STK3: variants seen among roughly 807,000 people sequenced by gnomAD.
The protein encoded by STK3 is serine/threonine kinase 3, also known as serine/threonine-protein kinase 3.
Under a neutral mutation model 58.0 loss-of-function variants are expected in STK3, and 41 were observed. The ratio of observed to expected loss-of-function variants is 0.71; its 90% CI spans 0.55 to 0.92. STK3 has a LOEUF of 0.92. Among genes scored for constraint, STK3 ranks in the 40% least tolerant of loss-of-function variants. STK3 has a pLI of 0.00. For missense variants in STK3, 479 were observed against 602.7 expected (o/e 0.79, Z 2.15); for synonymous variants, 170 against 191.0 (o/e 0.89, Z 0.91).
At chr8:98,840,874 G>A (rs2131808628) in intron 3 of STK3, among the ~76,000 whole-genome samples, 1 of 152,196 alleles carries the variant, frequency 6.6e-6, no homozygotes, top group East Asian at 1.9e-4. Flanking sequence ...TAGTCAAGGT[G>A]ATGGCCAGGG....
intron 7 of STK3, 97 bp downstream of exon 7, chr8:98,595,935 T>C: frequency 7.2e-7 from 1 of 1,385,512 alleles, no homozygotes; most frequent in Non-Finnish European, 9.7e-7. Flanking sequence ...TTTACATCTT[T>C]AGAAATCAGT....
chr8:98,387,522 G>T (rs1263968872), intron 1 of STK3, among the ~76,000 whole-genome samples: 2 of 152,234 alleles, frequency 1.3e-5, no homozygotes, highest in Non-Finnish European at 2.9e-5. Flanking sequence ...ACCAAGGCAG[G>T]CAGATCACCT....
In STK3 at chr8:98,386,054, A is replaced by G. The variant is rs545915847; in HGVS notation, n.56+2138T>C. Among the ~76,000 whole-genome samples, 20 of 152,322 alleles carry G rather than the reference A, an allele frequency of 1.3e-4. No individual in the cohort carries two copies. The South Asian group carries it at 3.9e-3, about 30-fold the overall frequency. The stretch of plus-strand genomic sequence containing the variant: ...ATGCCATTTTTCAAGCAAAGCTCTG[A>G]AAGTTTGACAATATACTCTGTTAGG... On this transcript the variant is annotated intron_variant and non_coding_transcript_variant, in intron 1 of 2. Coordinates refer to the STK3 transcript ENST00000518704.
rs974836107 is a variant in STK3, at chr8:98,788,311, G to A, written c.27-13492C>T. Among the ~76,000 whole-genome samples, 12 of 151,866 alleles carry A rather than the reference G, an allele frequency of 7.9e-5. No individual in the cohort carries two copies. The East Asian group carries it at 1.2e-3, about 15-fold the overall frequency. On this transcript the variant is annotated intron_variant, in intron 1 of 10. Transcript: ENST00000419617. ...AAATTAGCCGGGCGTGGTGGTGCGC[G>A]CCTGTAATCCCAGCTACTCAGGAGG...
At chr8:98,923,585 C>G (rs912117836) in intron 1 of STK3, among the ~76,000 whole-genome samples, 1 of 152,266 alleles carries the variant, frequency 6.6e-6, no homozygotes, top group Admixed American at 6.5e-5. Flanking sequence ...AGAAACCCCA[C>G]GGGCATGTCC....
chr8:98,540,989 G>T (rs533154643), intron 9 of STK3, among the ~76,000 whole-genome samples: 1 of 152,180 alleles, frequency 6.6e-6, no homozygotes, highest in Non-Finnish European at 1.5e-5. Flanking sequence ...AGTGAGGGTT[G>T]ATTTCAATCT....
intron 3 of STK3, among the ~76,000 whole-genome samples, chr8:98,421,396 C>G (rs985086621): frequency 6.6e-6 from 1 of 152,136 alleles, no homozygotes; most frequent in African/African-American, 2.4e-5. Context: ...AGGTGGTTGC[C>G]CCTACCCTTG....
chr8:98,412,969 G>A lies in STK3; in HGVS notation n.484-11456C>T, dbSNP rs541057250. The A allele has an allele frequency of 8.8e-4, 230 of 260,288 alleles. 8 individuals carry two copies. In the South Asian group the frequency reaches 9.6e-3, roughly 11 times the overall value. The allele number at this position is 260,288 out of a possible 1,614,324, so 16.1% of individuals were successfully genotyped here. A position where few individuals can be genotyped will look rare whatever the true frequency, so the allele number is the denominator to read the frequency against. On this transcript the variant is annotated intron_variant and non_coding_transcript_variant, in intron 3 of 3. Coordinates refer to the STK3 transcript ENST00000517832. ...AGGCACTGGAGCATCTGGCCTCTCA[G>A]GAAGGTCTGGGACTAGTCCTTCTGA...
chr8:98,845,210 T>C (rs1194899966), intron 3 of STK3, among the ~76,000 whole-genome samples: 2 of 152,244 alleles, frequency 1.3e-5, no homozygotes, highest in Non-Finnish European at 2.9e-5. Context: ...ACCACGTATT[T>C]ATTTCACTGA....
chr8:98,469,376 G>A (rs1409843062), intron 10 of STK3, among the ~76,000 whole-genome samples: 2 of 152,104 alleles, frequency 1.3e-5, no homozygotes, highest in South Asian at 2.1e-4. Context: ...CTTGCAAAAT[G>A]AGTGTGTTCC....
chr8:98,904,487 C>A, intron 1 of STK3: 1 of 376,064 alleles, frequency 2.7e-6, no homozygotes, highest in Non-Finnish European at 5.2e-6. Flanking sequence ...CTTTTGTTTA[C>A]TGAAACGTGA....
intron 3 of STK3, among the ~76,000 whole-genome samples, chr8:98,407,918 G>T (rs944721955): frequency 6.6e-6 from 1 of 152,234 alleles, no homozygotes; most frequent in Non-Finnish European, 1.5e-5. Context: ...GAGCAACTAA[G>T]CCCTTGGCAC....
At chr8:98,560,288 C>T (rs953596005) in intron 8 of STK3, among the ~76,000 whole-genome samples, 3 of 152,046 alleles carry the variant, frequency 2.0e-5, no homozygotes, top group Admixed American at 2.0e-4. Context: ...TTGCAGATGA[C>T]ATCATTGTCT....
intron 8 of STK3, among the ~76,000 whole-genome samples, chr8:98,567,643 C>CT (rs1168965916): frequency 6.6e-6 from 1 of 151,896 alleles, no homozygotes; most frequent in African/African-American, 2.4e-5. Context: ...ATTGAACAAA[C>CT]TATGATTTTT....
intron 1 of STK3, chr8:98,904,862 A>G: frequency 1.5e-6 from 1 of 676,892 alleles, no homozygotes; most frequent in Non-Finnish European, 2.8e-6. Flanking sequence ...AGGGATTAGC[A>G]GAAGTAGAGT....
chr8:98,424,107 A>C (rs1199049752), intron 3 of STK3, among the ~76,000 whole-genome samples: 1 of 152,262 alleles, frequency 6.6e-6, no homozygotes, highest in Non-Finnish European at 1.5e-5. Context: ...ATTTCTTTTC[A>C]GCACGATGAC....
intron 3 of STK3, among the ~76,000 whole-genome samples, chr8:98,754,387 G>A (rs1265406057): frequency 6.6e-6 from 1 of 151,932 alleles, no homozygotes; most frequent in Non-Finnish European, 1.5e-5. Context: ...ACTCCTTTGA[G>A]GTTCTGATTC....
At chr8:98,427,872 G>C in intron 3 of STK3, 1 of 894,782 alleles carries the variant, frequency 1.1e-6, no homozygotes, top group Non-Finnish European at 1.7e-6. Context: ...GCCAGTAATG[G>C]GTAGGGAGAG....
intron 1 of STK3, among the ~76,000 whole-genome samples, chr8:98,897,005 TAAAAG>T (rs1021615316): frequency 7.1e-6 from 1 of 141,472 alleles, no homozygotes; most frequent in African/African-American, 2.5e-5. Flanking sequence ...AATAAAAAAA[TAAAAG>T]AAAAGAAAGA....
Sources: gnomAD v4.1 joint callset for allele counts (sites outside exome capture counted in the v4.1 genomes callset) on GRCh38, gnomAD v4.1.1 for gene constraint, MANE v1.5 for transcripts, NCBI Gene and HGNC (gene_info 2026-07-23, HGNC 2026-07-21) for gene names.